ZNF276: variants seen among roughly 807,000 people sequenced by gnomAD.
The protein encoded by ZNF276 is centromere protein Z.
ZNF276 carries 59 observed loss-of-function variants against 63.9 expected under a neutral mutation model. The ratio of observed to expected loss-of-function variants is 0.92; its 90% CI spans 0.75 to 1.15. The LOEUF (loss-of-function observed/expected upper bound fraction) is 1.15, where lower values mean the gene tolerates loss of function less well. Among genes scored for constraint, ZNF276 ranks in the 50% most tolerant of loss-of-function variants. ZNF276 has a pLI of 0.00. For missense variants in ZNF276, 1,084 were observed against 843.8 expected (o/e 1.28, Z -3.53); for synonymous variants, 496 against 348.4 (o/e 1.42, Z -4.72).
At chr16:89,720,968 C>A (rs2061250216), upstream of ZNF276, 1 of 1,089,922 alleles carries the variant, frequency 9.2e-7, no homozygotes, top group Non-Finnish European at 1.2e-6. Flanking sequence ...CAGCGGACCG[C>A]AGGAAGGGAC....
At chr16:89,735,712 CTTT>C (rs911417070) in intron 9 of ZNF276, among the ~76,000 whole-genome samples, 13 of 151,398 alleles carry the variant, frequency 8.6e-5, no homozygotes, top group Non-Finnish European at 1.8e-4. Flanking sequence ...TTACCAAAAA[CTTT>C]TTTTTTAATT....
chr16:89,737,187 A>ACAAT lies in ZNF276; in HGVS notation c.1475-616_1475-613dup, dbSNP rs1238422584. Reference sequence around the variant, plus strand: ...ATTCTAGAGAACAGCCATAGCTGTGACAATCAGTATTCTATACAACCTTAG... The same window carrying ACAAT: ...ATTCTAGAGAACAGCCATAGCTGTGACAATCAATCAGTATTCTATACAACCTTAG... On this transcript the variant is annotated intron_variant, in intron 9 of 10. Transcript: ENST00000443381. 4.2e-4 allele frequency among the ~76,000 whole-genome samples: 64 copies of ACAAT among 152,280 alleles called. 1 individual carries two copies. Among genetic ancestry groups the ACAAT allele is most frequent in the African/African-American group, 1.4e-3 (59 of 41,558 alleles).
At chr16:89,730,403 GA>G (rs2061607522) in intron 6 of ZNF276, among the ~76,000 whole-genome samples, 2 of 152,312 alleles carry the variant, frequency 1.3e-5, no homozygotes, top group East Asian at 3.9e-4. Flanking sequence ...TTGCTGCCCA[GA>G]AGGTCTGGGG....
chr16:89,727,202 T>G (rs993360555), intron 4 of ZNF276, 77 bp from the exon 5 acceptor site: 1 of 1,435,636 alleles, frequency 7.0e-7, no homozygotes, highest in African/African-American at 1.4e-5. Flanking sequence ...TCATCAATAG[T>G]AGAATCATGC....
At chr16:89,733,745 A>G (rs2061753985) in intron 8 of ZNF276, among the ~76,000 whole-genome samples, 176 bp from the exon 9 acceptor site, 1 of 151,290 alleles carries the variant, frequency 6.6e-6, no homozygotes, top group African/African-American at 2.4e-5. Context: ...CTTTCACTTG[A>G]GACACCCCCC....
chr16:89,731,290 G>A (rs937058361), intron 6 of ZNF276, among the ~76,000 whole-genome samples: 1 of 152,248 alleles, frequency 6.6e-6, no homozygotes, highest in African/African-American at 2.4e-5. Flanking sequence ...GTCTTGCTCT[G>A]TTGCCCAGAC....
intron 5 of ZNF276, among the ~76,000 whole-genome samples, chr16:89,729,000 A>AGT (rs1217562570): frequency 4.6e-5 from 7 of 152,208 alleles, no homozygotes; most frequent in Non-Finnish European, 8.8e-5. Flanking sequence ...TTCCAAGTCC[A>AGT]GTGTCCTGGT....
intron 4 of ZNF276, 92 bp from the exon 5 acceptor site, chr16:89,727,183 CCCTT>C: frequency 7.7e-7 from 1 of 1,290,922 alleles, no homozygotes; most frequent in African/African-American, 1.5e-5. Context: ...ACCCCAGTCT[CCCTT>C]CTAGTCATCA....
upstream of ZNF276, chr16:89,721,469 G>C (rs1033940584): frequency 1.8e-6 from 1 of 550,654 alleles, no homozygotes; most frequent in South Asian, 3.9e-5. Flanking sequence ...CTCGGCCGGC[G>C]GGGTCCCGCC....
chr16:89,736,924 A>G (rs752272287), intron 9 of ZNF276, among the ~76,000 whole-genome samples: 3 of 151,930 alleles, frequency 2.0e-5, no homozygotes, highest in Non-Finnish European at 2.9e-5. Flanking sequence ...AGAACAGCGT[A>G]GAGTAAAATG....
chr16:89,736,781 C>G (rs1317806742), intron 9 of ZNF276, among the ~76,000 whole-genome samples: 1 of 112,952 alleles, frequency 8.9e-6, no homozygotes, highest in African/African-American at 3.4e-5. Flanking sequence ...GGCAACAGAG[C>G]AAGACCCTGT....
chr16:89,737,861 C>T lies in ZNF276; in HGVS notation c.1530C>T (p.His510=), dbSNP rs1164171987. The change falls in exon 10 of 11, where the codon CAC becomes CAT. Residue 510 remains histidine (H), a synonymous_variant. Transcript: ENST00000443381. The part of the protein sequence containing the change: ...ECGQTFKQRK[H]LLVHQMRHSG... ...GACAAACCTTCAAGCAGCGGAAGCACCTTCTCGTCCACCAAATGCGACATT... is the reference window on the plus strand; with the variant it reads ...GACAAACCTTCAAGCAGCGGAAGCATCTTCTCGTCCACCAAATGCGACATT... 3 of 1,614,206 alleles carry T rather than the reference C, an allele frequency of 1.9e-6. No individual in the cohort carries two copies. The highest frequency in any genetic ancestry group is 1.7e-6 in the Non-Finnish European group (2 of 1,180,048).
intron 9 of ZNF276, 151 bp from the exon 10 acceptor site, chr16:89,737,631 GCAGTTTAAAGATCTTAATAAACGA>G (rs2061981508): frequency 8.0e-7 from 1 of 1,252,510 alleles, no homozygotes; most frequent in African/African-American, 1.5e-5. Context: ...AGTGTATAAA[GCAGTTTAAAGATCTTAATAAACGA>G]GGCCCTCATA....
chr16:89,740,733 A>G lies in ZNF276; in HGVS notation c.*2487A>G. 1 of 1,340,674 alleles carries G rather than the reference A, an allele frequency of 7.5e-7. No individual in the cohort carries two copies. The highest frequency in any genetic ancestry group is 1.1e-6 in the Non-Finnish European group (1 of 940,034). 83.0% of individuals were successfully genotyped at this position (1,340,674 alleles called of 1,614,324 possible). ...GCTAGTCTGGAAACCCTGACTTGGA[A>G]GCTGGCTGCCTGGTGCCCCTGCCTG... On this transcript the variant is annotated 3_prime_UTR_variant, in exon 11 of 11. Coordinates refer to ENST00000443381, the MANE Select transcript of ZNF276 (RefSeq NM_001113525.2).
Position 89,739,009 on chromosome 16 carries a change from G to A in ZNF276, c.*763G>A, listed in dbSNP as rs573170442. 1.9e-6 allele frequency: 3 copies of A among 1,614,096 alleles called. No homozygotes were observed. The highest frequency in any genetic ancestry group is 2.2e-5 in the South Asian group (2 of 91,058). ...AAACAGGCAAACTCACAGGTTAGAA[G>A]ACATACAGAAACAGGGCTGGTGTGT... On this transcript the variant is annotated 3_prime_UTR_variant, in exon 11 of 11. Transcript: ENST00000443381.
chr16:89,735,081 C>G (rs534285731), intron 9 of ZNF276, among the ~76,000 whole-genome samples: 1 of 151,122 alleles, frequency 6.6e-6, no homozygotes, highest in Non-Finnish European at 1.5e-5. Flanking sequence ...TGCAGTGAGC[C>G]GAGATCACAC....
intron 8 of ZNF276, among the ~76,000 whole-genome samples, 160 bp downstream of exon 8, chr16:89,733,717 G>A (rs987937446): frequency 2.0e-5 from 3 of 152,160 alleles, no homozygotes; most frequent in Non-Finnish European, 4.4e-5. Context: ...CATCCTTGGG[G>A]GTAGATGTGA....
At chr16:89,729,459 C>A in intron 6 of ZNF276, 141 bp downstream of exon 6, 1 of 741,200 alleles carries the variant, frequency 1.3e-6, no homozygotes, top group Non-Finnish European at 2.2e-6. Flanking sequence ...ACGTGGCTTC[C>A]CTCAGTGAGC....
intron 4 of ZNF276, among the ~76,000 whole-genome samples, chr16:89,725,362 AG>A (rs1390781310): frequency 1.3e-5 from 2 of 150,240 alleles, no homozygotes; most frequent in Non-Finnish European, 3.0e-5. Flanking sequence ...TTGTATTTTT[AG>A]TAGAGATGGG....
Sources: allele counts gnomAD v4.1 joint callset (sites outside exome capture counted in the v4.1 genomes callset), GRCh38; gene constraint gnomAD v4.1.1; transcripts MANE v1.5; gene names NCBI Gene and HGNC (gene_info 2026-07-23, HGNC 2026-07-21).